The following CFLAR variants were observed in gnomAD, a reference collection of about 807,000 sequenced individuals.
The protein encoded by CFLAR is CASP8 and FADD-like apoptosis regulator.
A neutral mutation model predicts 51.1 loss-of-function variants in CFLAR; 14 were observed. The ratio of observed to expected loss-of-function variants is 0.27; its 90% CI spans 0.18 to 0.43. CFLAR has a LOEUF of 0.43. Among genes scored for constraint, CFLAR ranks in the 20% least tolerant of loss-of-function variants. The pLI is 1.00. For synonymous variants in CFLAR, 210 were observed against 211.6 expected (o/e 0.99, Z 0.06); for missense variants, 390 against 566.5 (o/e 0.69, Z 3.16).
At chr2:201,154,688 G>A (rs1941861507) in intron 8 of CFLAR, 3 of 152,244 alleles carry the variant, frequency 2.0e-5, no homozygotes. Context: ...TATCTTTAGA[G>A]TTTAGCAGAC....
rs910486301 is a variant in CFLAR at position 201,163,640 on chromosome 2, C to G, written c.1305-195C>G. 3 of 1,386,188 alleles carry G rather than the reference C, an allele frequency of 2.2e-6. No homozygotes were observed. In the African/African-American group the frequency reaches 4.4e-5, roughly 20 times the overall value. 85.9% of individuals were successfully genotyped at this position (1,386,188 alleles called of 1,614,324 possible). A position where few individuals can be genotyped will look rare whatever the true frequency, so the allele number is the denominator to read the frequency against. On this transcript the variant is annotated intron_variant, in intron 9 of 9. Transcript: ENST00000309955. Reference sequence around the variant, plus strand: ...TTCCCAGAGTGAAACTCAGCAGCCCCTTGAGGGAGGGGATGGTGGCCATCA... The same window carrying G: ...TTCCCAGAGTGAAACTCAGCAGCCCGTTGAGGGAGGGGATGGTGGCCATCA...
chr2:201,138,486 A>C lies in CFLAR; in HGVS notation c.524-1871A>C, dbSNP rs760123415. ...TCTCATTTGCCTCTTTCAACCTCACACTGCTGGAGCCACCACTAGCTTGAT... is the reference window on the plus strand; with the variant it reads ...TCTCATTTGCCTCTTTCAACCTCACCCTGCTGGAGCCACCACTAGCTTGAT... On this transcript the variant is annotated intron_variant, in intron 4 of 9. Transcript: ENST00000309955. The surrounding 1 kb of genome is among the most constrained non-coding windows in gnomAD (Gnocchi z 4.0). The C allele has an allele frequency of 1.0e-4, 120 of 1,148,464 alleles. No homozygotes were observed. The highest frequency in any genetic ancestry group is 1.5e-4 in the Non-Finnish European group (113 of 766,030). 71.1% of individuals were successfully genotyped at this position (1,148,464 alleles called of 1,614,324 possible).
chr2:201,117,576 TCAA>T (rs1264526377), intron 1 of CFLAR, among the ~76,000 whole-genome samples: 5 of 152,234 alleles, frequency 3.3e-5, no homozygotes, highest in African/African-American at 1.2e-4. Context: ...TTTTTGGACA[TCAA>T]CAAACTGCGA....
rs2048538233 is a variant in CFLAR at position 201,124,944 on chromosome 2, G to A, written c.-137-4785G>A. ...AGAGGACTTCCAAGTTTTTGGATGT[G>A]GCAACCAGGAGGTCACCAGGGCCTC... is the stretch of plus-strand genomic sequence containing the variant. On this transcript the variant is annotated intron_variant, in intron 1 of 9. Transcript: ENST00000309955. This position sits in a 1 kb window ranked among gnomAD's most constrained non-coding sequence, Gnocchi z 4.7. Among the ~76,000 whole-genome samples the A allele has an allele frequency of 6.6e-6, 1 of 152,128 alleles. No individual in the cohort carries two copies. Among genetic ancestry groups the A allele is most frequent in the Non-Finnish European group, 1.5e-5 (1 of 68,010 alleles).
Position 201,124,070 on chromosome 2 carries a change from C to T in CFLAR, c.-137-5659C>T, listed in dbSNP as rs2048451127. Among the ~76,000 whole-genome samples the T allele has an allele frequency of 6.6e-6, 1 of 152,184 alleles. No homozygotes were observed. Among genetic ancestry groups the T allele is most frequent in the Non-Finnish European group, 1.5e-5 (1 of 68,036 alleles). On this transcript the variant is annotated intron_variant, in intron 1 of 9. Coordinates refer to ENST00000309955, the MANE Select transcript of CFLAR (RefSeq NM_003879.7). This position sits in a 1 kb window ranked among gnomAD's most constrained non-coding sequence, Gnocchi z 4.7. Reference sequence around the variant, plus strand: ...ACATTGCTTTCATGCCATACGATGACCTTGCTTCACTAGAGAAGCAGTAGA... The same window carrying T: ...ACATTGCTTTCATGCCATACGATGATCTTGCTTCACTAGAGAAGCAGTAGA...
chr2:201,136,431 C>G, intron 4 of CFLAR: 1 of 1,598,370 alleles, frequency 6.3e-7, no homozygotes. Context: ...ATGCTGAACC[C>G]TACTGCCTTG....
chr2:201,149,076 G>C, intron 7 of CFLAR, 24 bp downstream of exon 7: 1 of 1,513,748 alleles, frequency 6.6e-7, no homozygotes, highest in African/African-American at 1.4e-5. Context: ...GATCTGATTT[G>C]GTATTATATG....
At chr2:201,139,307 G>A (rs566539526) in intron 4 of CFLAR, 44 of 265,216 alleles carry the variant, frequency 1.7e-4, no homozygotes, top group Admixed American at 1.5e-4. Context: ...GAAGGCCGCA[G>A]GGACCTCTGC....
At chr2:201,141,414 T>C (rs1938831992) in intron 5 of CFLAR, 2 of 1,558,476 alleles carry the variant, frequency 1.3e-6, no homozygotes, top group East Asian at 2.3e-5. Flanking sequence ...CTGAAAATTC[T>C]TGGAAATTGT....
intron 3 of CFLAR, among the ~76,000 whole-genome samples, chr2:201,134,494 G>A (rs2049823520): frequency 1.3e-5 from 2 of 151,546 alleles, no homozygotes; most frequent in South Asian, 4.2e-4. Flanking sequence ...AATTAGCTGG[G>A]CGTAGTGGTG....
At chr2:201,146,907 T>C (rs1158678852) in intron 6 of CFLAR, among the ~76,000 whole-genome samples, 1 of 152,250 alleles carries the variant, frequency 6.6e-6, no homozygotes, top group Non-Finnish European at 1.5e-5. Context: ...AGCTCATGTC[T>C]GTCATTCTCT....
chr2:201,151,725 T>TAA (rs1031191368), intron 8 of CFLAR, among the ~76,000 whole-genome samples: 1 of 140,174 alleles, frequency 7.1e-6, no homozygotes, highest in African/African-American at 2.6e-5. Flanking sequence ...GAGAGAATCA[T>TAA]AAAAAAAAAA....
intron 6 of CFLAR, chr2:201,148,012 T>C (rs1270764022): frequency 6.6e-6 from 1 of 152,250 alleles, no homozygotes; most frequent in African/African-American, 2.4e-5. Context: ...TGCCTTAAAC[T>C]GAGATAGATA....
At chr2:201,161,122 T>C (rs1942938610) in intron 9 of CFLAR, among the ~76,000 whole-genome samples, 180 bp downstream of exon 9, 1 of 152,236 alleles carries the variant, frequency 6.6e-6, no homozygotes, top group South Asian at 2.1e-4. Flanking sequence ...ATAAATACTT[T>C]GTAGTTAGTT....
chr2:201,157,072 T>G (rs950410832), intron 8 of CFLAR, among the ~76,000 whole-genome samples: 2 of 152,246 alleles, frequency 1.3e-5, no homozygotes, highest in Non-Finnish European at 2.9e-5. Context: ...GCTGCCTTTA[T>G]TTCCTTTAAA....
intron 1 of CFLAR, among the ~76,000 whole-genome samples, chr2:201,121,080 C>A (rs1375378177): frequency 6.6e-6 from 1 of 152,194 alleles, no homozygotes. Context: ...GCAAAAGTTT[C>A]ACCCAAAACC....
At position 201,168,875 on chromosome 2, in the gene CFLAR, AAG is replaced by A. The variant is rs1425076692; in HGVS notation, c.*4906_*4907del. ...TGAACTCCCATTCACAGTTGCTAGAAAGAGAATAAAATACCTAGGAATACAGC... is the reference window on the plus strand; with the variant it reads ...TGAACTCCCATTCACAGTTGCTAGAAAGAATAAAATACCTAGGAATACAGC... On this transcript the variant is annotated 3_prime_UTR_variant, in exon 10 of 10. Coordinates refer to ENST00000309955, the MANE Select transcript of CFLAR (RefSeq NM_003879.7). 15 of 152,318 alleles carry A rather than the reference AAG, an allele frequency of 9.8e-5. No individual in the cohort carries two copies. The highest frequency in any genetic ancestry group is 3.4e-4 in the African/African-American group (14 of 41,570). The allele number at this position is 152,318 out of a possible 1,614,324, so 9.4% of individuals were successfully genotyped here. A position where few individuals can be genotyped will look rare whatever the true frequency, so the allele number is the denominator to read the frequency against.
intron 2 of CFLAR, 136 bp downstream of exon 2, chr2:201,130,282 T>G (rs575230948): frequency 1.5e-6 from 1 of 647,414 alleles, no homozygotes; most frequent in Admixed American, 3.3e-5. Flanking sequence ...AACTGCCAGA[T>G]GATGTCACTT....
intron 5 of CFLAR, chr2:201,141,776 A>G (rs975087477): frequency 2.6e-6 from 1 of 390,382 alleles, no homozygotes; most frequent in Admixed American, 6.0e-5. Context: ...TTCTTTAGTT[A>G]ATCTTTTATC....
Sources: gnomAD v4.1 joint callset for allele counts (sites outside exome capture counted in the v4.1 genomes callset) on GRCh38, gnomAD v4.1.1 for gene constraint, Gnocchi (gnomAD v3.1) non-coding constraint, MANE v1.5 for transcripts, NCBI Gene and HGNC (gene_info 2026-07-23, HGNC 2026-07-21) for gene names.